Variants in INSR observed in about 807,000 individuals in gnomAD.
INSR encodes the protein IR.
INSR carries 67 observed loss-of-function variants against 142.6 expected under a neutral mutation model. That is an observed-to-expected ratio of 0.47 (90% CI 0.39 to 0.58). The LOEUF (loss-of-function observed/expected upper bound fraction) is 0.58, where lower values mean the gene tolerates loss of function less well. Ranked by LOEUF, INSR falls within the 20% of genes least tolerant of loss-of-function variation. The pLI is 0.00. For synonymous variants in INSR, 756 were observed against 743.1 expected, an observed-to-expected ratio of 1.02 and a Z score of -0.28; for missense variants, 1,248 against 1,833.2, an observed-to-expected ratio of 0.68 and a Z score of 5.83.
Position 7,172,439 on chromosome 19 carries a change from G to A in INSR, c.1124-5C>T. 1.2e-6 allele frequency: 2 copies of A among 1,613,706 alleles called. No individual in the cohort carries two copies. The highest frequency in any genetic ancestry group is 8.5e-7 in the Non-Finnish European group (1 of 1,179,832). ...CTAGCTCAGCTGCCAGATTGTCTAA[G>A]GAAAGGAGAGAATATCCAGTGGGTT... On this transcript the variant is annotated splice_region_variant and splice_polypyrimidine_tract_variant and intron_variant, in intron 4 of 21. Coordinates refer to ENST00000302850, the MANE Select transcript of INSR (RefSeq NM_000208.4).
Position 7,283,734 on chromosome 19 carries a change from C to G in INSR, c.100+10058G>C, listed in dbSNP as rs555898885. Among the ~76,000 whole-genome samples, 4 of 152,292 alleles carry G rather than the reference C, an allele frequency of 2.6e-5. No individual in the cohort carries two copies. The East Asian group carries it at 7.7e-4, about 29-fold the overall frequency. ...GGATTACGGGTATGAGCCACAGATT[C>G]ACCAGTTTTAAACCACTTGCAGCCG... is the stretch of plus-strand genomic sequence containing the variant. On this transcript the variant is annotated intron_variant, in intron 1 of 21. Coordinates refer to ENST00000302850, the MANE Select transcript of INSR (RefSeq NM_000208.4).
At chr19:7,231,980 GCTAA>G (rs10547236) in intron 2 of INSR, among the ~76,000 whole-genome samples, 26,894 of 151,686 alleles carry the variant, frequency 0.18, 2,668 homozygotes, top group Non-Finnish European at 0.23. Flanking sequence ...TTTGCATGAG[GCTAA>G]CTATTTCTTT....
intron 2 of INSR, among the ~76,000 whole-genome samples, chr19:7,224,968 A>G (rs1447031998): frequency 6.7e-6 from 1 of 148,480 alleles, no homozygotes; most frequent in Non-Finnish European, 1.5e-5. Context: ...TGAGAGAGAG[A>G]CAGACAGACA....
At chr19:7,259,979 T>A (rs1488969515) in intron 2 of INSR, among the ~76,000 whole-genome samples, 2 of 151,574 alleles carry the variant, frequency 1.3e-5, no homozygotes, top group East Asian at 1.9e-4. Context: ...CATCTCAATT[T>A]AAAAAAATAT....
chr19:7,124,379 A>G lies in INSR; in HGVS notation c.3258+904T>C, dbSNP rs28675285. 3.1e-3 allele frequency among the ~76,000 whole-genome samples: 119 copies of G among 38,932 alleles called. 3 individuals are homozygous for G. Among genetic ancestry groups the G allele is most frequent in the Non-Finnish European group, 3.7e-3 (59 of 16,098 alleles). 25.5% of individuals were successfully genotyped at this position (38,932 alleles called of 152,430 possible). A position where few individuals can be genotyped will look rare whatever the true frequency, so the allele number is the denominator to read the frequency against. Reference sequence around the variant, plus strand: ...GTGAGACTCCATCTCAAAAAAAAAAAAAAAAAACAATCAGCCAGGCGTGGT... The same window carrying G: ...GTGAGACTCCATCTCAAAAAAAAAAGAAAAAAACAATCAGCCAGGCGTGGT... On this transcript the variant is annotated intron_variant, in intron 17 of 21. Transcript: ENST00000302850.
In INSR at chr19:7,244,946, T is replaced by C. The variant is rs538218334; in HGVS notation, c.652+22399A>G. 2.5e-4 allele frequency among the ~76,000 whole-genome samples: 36 copies of C among 146,474 alleles called. 2 individuals carry two copies. In the East Asian group the frequency reaches 7.1e-3, roughly 29 times the overall value. ...TTTGTTTTTGCTTTTTTTTTTTTTT[T>C]TTTTTTCAAGATGGAGTCTCGCTCT... On this transcript the variant is annotated intron_variant, in intron 2 of 21. Transcript: ENST00000302850.
intron 3 of INSR, among the ~76,000 whole-genome samples, chr19:7,176,771 T>A (rs1974144089): frequency 6.6e-6 from 1 of 152,170 alleles, no homozygotes; most frequent in Admixed American, 6.6e-5. Context: ...TGTCAGCCAA[T>A]TAAACCTCTT....
At chr19:7,273,200 G>A (rs899953246) in intron 1 of INSR, among the ~76,000 whole-genome samples, 5 of 152,148 alleles carry the variant, frequency 3.3e-5, no homozygotes, top group Non-Finnish European at 4.4e-5. Context: ...TATAATTGTA[G>A]GGAACAATCA....
At chr19:7,217,778 C>T (rs1975482104) in intron 2 of INSR, among the ~76,000 whole-genome samples, 1 of 152,238 alleles carries the variant, frequency 6.6e-6, no homozygotes, top group Non-Finnish European at 1.5e-5. Flanking sequence ...CCAGGATGGT[C>T]TCGATCTCCT....
At chr19:7,209,316 C>T (rs1333339886) in intron 2 of INSR, among the ~76,000 whole-genome samples, 3 of 152,182 alleles carry the variant, frequency 2.0e-5, no homozygotes, top group Non-Finnish European at 2.9e-5. Context: ...ACCAATGCAT[C>T]GCTCTCACCT....
intron 2 of INSR, among the ~76,000 whole-genome samples, chr19:7,247,310 G>A (rs1976567610): frequency 6.6e-6 from 1 of 152,170 alleles, no homozygotes; most frequent in Non-Finnish European, 1.5e-5. Context: ...TCTGTTCCCA[G>A]AGAGGAGAAG....
intron 2 of INSR, among the ~76,000 whole-genome samples, chr19:7,228,980 AGGAT>A (rs59628521): frequency 3.7e-4 from 51 of 137,846 alleles, no homozygotes; most frequent in African/African-American, 1.1e-3. Context: ...AGTAGACAGA[AGGAT>A]GGATGGATGG....
At chr19:7,153,346 A>C (rs2144897677) in intron 9 of INSR, among the ~76,000 whole-genome samples, 1 of 2,926 alleles carries the variant, frequency 3.4e-4, no homozygotes, top group East Asian at 3.7e-3. Context: ...GCCACACACC[A>C]CAGACCACAC....
intron 9 of INSR, among the ~76,000 whole-genome samples, chr19:7,158,803 T>G (rs1157835514): frequency 6.6e-6 from 1 of 152,184 alleles, no homozygotes; most frequent in African/African-American, 2.4e-5. Flanking sequence ...ACTAGTGATA[T>G]TAACAGGAAG....
intron 1 of INSR, among the ~76,000 whole-genome samples, chr19:7,290,785 A>G (rs1231497677): frequency 6.6e-6 from 1 of 150,482 alleles, no homozygotes; most frequent in African/African-American, 2.5e-5. Context: ...AAAGAAAAAA[A>G]AAAAGGCCAG....
At position 7,116,314 on chromosome 19, in the gene INSR, G is replaced by A. The variant is rs999848014; in HGVS notation, c.*742C>T. On this transcript the variant is annotated 3_prime_UTR_variant, in exon 22 of 22. Transcript: ENST00000302850. ...ATAAGAAGGAAGGAGAGAGGGGGAT[G>A]AGCTCGCACCCTTGAGAAGAACCTT... is the stretch of plus-strand genomic sequence containing the variant. 6.6e-6 allele frequency: 1 copy of A among 151,654 alleles called. No homozygotes were observed. Among genetic ancestry groups the A allele is most frequent in the African/African-American group, 2.4e-5 (1 of 41,282 alleles). The allele number at this position is 151,654 out of a possible 1,614,324, so 9.4% of individuals were successfully genotyped here. A position where few individuals can be genotyped will look rare whatever the true frequency, so the allele number is the denominator to read the frequency against.
Position 7,125,481 on chromosome 19 carries a change from T to C in INSR, c.3060A>G (p.Arg1020=), listed in dbSNP as rs1972623901. 8 of 1,614,058 alleles carry C rather than the reference T, an allele frequency of 5.0e-6. No individual in the cohort carries two copies. Among genetic ancestry groups the C allele is most frequent in the Non-Finnish European group, 6.8e-6 (8 of 1,180,022 alleles). The stretch of plus-strand genomic sequence containing the variant: ...GCTCTCGAAGGAGGGTGATCTTCTC[T>C]CGAGACACCTCCCACTCGTCCGGCA... ...VYVPDEWEVS[R]EKITLLRELG... is the part of the protein sequence containing the mutation. The change falls in exon 17 of 22, where the codon CGA becomes CGG. Residue 1020 remains arginine, a synonymous_variant. Transcript: ENST00000302850. The surrounding 1 kb of genome is among the most constrained non-coding windows in gnomAD (Gnocchi z 4.9).
chr19:7,232,800 A>G (rs904945516), intron 2 of INSR, among the ~76,000 whole-genome samples: 2 of 151,558 alleles, frequency 1.3e-5, no homozygotes, highest in African/African-American at 4.8e-5. Context: ...ACAGTGCAAG[A>G]CTCCGTCTCA....
At chr19:7,256,479 T>G (rs1347357480) in intron 2 of INSR, among the ~76,000 whole-genome samples, 1 of 151,666 alleles carries the variant, frequency 6.6e-6, no homozygotes, top group Non-Finnish European at 1.5e-5. Flanking sequence ...ATTCCAATCC[T>G]GGCTGGCACA....
Sources: gnomAD v4.1 joint callset for allele counts (sites outside exome capture counted in the v4.1 genomes callset) on GRCh38, gnomAD v4.1.1 for gene constraint, Gnocchi (gnomAD v3.1) non-coding constraint, MANE v1.5 for transcripts, NCBI Gene and HGNC (gene_info 2026-07-23, HGNC 2026-07-21) for gene names.